AIM2: variants seen among roughly 807,000 people sequenced by gnomAD.
The protein encoded by AIM2 is absent in melanoma 2, also known as interferon-inducible protein AIM2.
AIM2 carries 30 observed loss-of-function variants against 27.7 expected under a neutral mutation model. That is an observed-to-expected ratio of 1.08 (90% CI 0.81 to 1.47). AIM2 has a LOEUF of 1.47. AIM2 is among the 40% of genes most tolerant of loss of function. The probability of loss-of-function intolerance (pLI) is 0.00; values close to 1 mark genes in which losing one functional copy is unlikely to be tolerated. For synonymous variants in AIM2, 141 were observed against 145.3 expected (o/e 0.97, Z 0.21); for missense variants, 358 against 411.3 (o/e 0.87, Z 1.12).
At chr1:159,143,703 T>G (rs1160012126), upstream of AIM2, among the ~76,000 whole-genome samples, 1 of 152,044 alleles carries the variant, frequency 6.6e-6, no homozygotes, top group Non-Finnish European at 1.5e-5. Flanking sequence ...AAAGTATCAC[T>G]GCTTCTTATA....
At chr1:159,117,201 A>G (rs1647380995) in intron 1 of AIM2, among the ~76,000 whole-genome samples, 1 of 152,158 alleles carries the variant, frequency 6.6e-6, no homozygotes, top group Admixed American at 6.5e-5. Context: ...AAAACGGAGG[A>G]GACAGGTGCA....
chr1:159,141,336 A>T (rs2102059528), upstream of AIM2, among the ~76,000 whole-genome samples: 1 of 152,318 alleles, frequency 6.6e-6, no homozygotes, highest in Non-Finnish European at 1.5e-5. Flanking sequence ...ACTATGTGCC[A>T]ATTATCTAAC....
At chr1:159,089,949 CTG>C (rs1179610032) in intron 1 of AIM2, among the ~76,000 whole-genome samples, 1 of 152,194 alleles carries the variant, frequency 6.6e-6, no homozygotes, top group Non-Finnish European at 1.5e-5. Flanking sequence ...ACACCTGAGT[CTG>C]TGTTCCAGGA....
intron 1 of AIM2, among the ~76,000 whole-genome samples, chr1:159,091,495 G>A (rs1373700987): frequency 6.6e-6 from 1 of 152,214 alleles, no homozygotes; most frequent in Non-Finnish European, 1.5e-5. Context: ...AGATTCACAA[G>A]TTACAAGACT....
chr1:159,094,625 G>T (rs1657131196), intron 1 of AIM2, among the ~76,000 whole-genome samples: 1 of 152,146 alleles, frequency 6.6e-6, no homozygotes, highest in Non-Finnish European at 1.5e-5. Flanking sequence ...TTGAAACTAG[G>T]AGGCAAAGGT....
At chr1:159,060,090 T>G (rs1310178779), downstream of AIM2, among the ~76,000 whole-genome samples, 2 of 152,186 alleles carry the variant, frequency 1.3e-5, no homozygotes, top group Non-Finnish European at 2.9e-5. Flanking sequence ...ACATTTTAGG[T>G]TAAATACCTA....
chr1:159,104,781 G>A (rs137911110), intron 1 of AIM2, among the ~76,000 whole-genome samples: 1,575 of 152,252 alleles, frequency 0.01, 32 homozygotes, highest in African/African-American at 0.034. Context: ...ATGCTTTTCT[G>A]GAGCATGGAC....
intron 1 of AIM2, among the ~76,000 whole-genome samples, chr1:159,094,489 G>A (rs1406495405): frequency 6.6e-6 from 1 of 152,146 alleles, no homozygotes; most frequent in East Asian, 1.9e-4. Flanking sequence ...TTGAGGTCAG[G>A]AGTTCGAGAC....
chr1:159,090,721 A>G lies in AIM2; in HGVS notation c.-15-24392T>C, dbSNP rs572593436. ...TGAGCTGTTTGTCTAGTCTCCTGAC[A>G]TGGTAACTGGAGACACAGATCCCTC... is the stretch of plus-strand genomic sequence containing the variant. On this transcript the variant is annotated intron_variant, in intron 1 of 2. Coordinates refer to the AIM2 transcript ENST00000368129. Among the ~76,000 whole-genome samples the G allele has an allele frequency of 7.9e-5, 12 of 152,330 alleles. No homozygotes were observed. The East Asian group carries it at 2.1e-3, about 27-fold the overall frequency.
intron 1 of AIM2, among the ~76,000 whole-genome samples, chr1:159,130,164 C>T (rs192681673): frequency 5.3e-4 from 81 of 152,288 alleles, no homozygotes; most frequent in Middle Eastern, 6.8e-3. Flanking sequence ...GCCTATCTGG[C>T]CAGTCTCATT....
chr1:159,126,992 T>A (rs540685506), intron 1 of AIM2, among the ~76,000 whole-genome samples: 2 of 152,298 alleles, frequency 1.3e-5, no homozygotes, highest in South Asian at 4.1e-4. Flanking sequence ...ACAACTCATA[T>A]AAGAATATGT....
At chr1:159,109,627 C>T (rs1053275425) in intron 1 of AIM2, among the ~76,000 whole-genome samples, 20 of 152,214 alleles carry the variant, frequency 1.3e-4, no homozygotes, top group African/African-American at 4.8e-4. Context: ...ATAGACAACC[C>T]ACAGAGTGGG....
At chr1:159,064,869 A>G (rs1234204390) in intron 4 of AIM2, among the ~76,000 whole-genome samples, 1 of 152,200 alleles carries the variant, frequency 6.6e-6, no homozygotes, top group Non-Finnish European at 1.5e-5. Flanking sequence ...ATTCACAATC[A>G]AGTCTAGATC....
intron 1 of AIM2, among the ~76,000 whole-genome samples, chr1:159,126,110 G>C (rs770815429): frequency 5.9e-5 from 9 of 152,148 alleles, no homozygotes; most frequent in African/African-American, 2.2e-4. Context: ...TGAATCTCTT[G>C]TTTTCTGACA....
intron 1 of AIM2, among the ~76,000 whole-genome samples, chr1:159,089,157 C>T (rs1025408097): frequency 3.9e-5 from 6 of 152,160 alleles, no homozygotes; most frequent in Admixed American, 1.3e-4. Context: ...GCAAGTGAGA[C>T]GAGCTGTGAG....
chr1:159,067,308 TAAC>T (rs1005601602), intron 3 of AIM2, among the ~76,000 whole-genome samples: 3 of 152,234 alleles, frequency 2.0e-5, no homozygotes, highest in African/African-American at 7.2e-5. Context: ...TTTTCTGAAT[TAAC>T]AGAGATAAGA....
chr1:159,076,812 A>C (rs1011533587), upstream of AIM2: 1 of 152,222 alleles, frequency 6.6e-6, no homozygotes, highest in African/African-American at 2.4e-5. Flanking sequence ...CTTCACCCCC[A>C]GGCCCAGTGT....
chr1:159,074,312 A>G (rs945257912), intron 1 of AIM2, among the ~76,000 whole-genome samples: 1 of 152,150 alleles, frequency 6.6e-6, no homozygotes, highest in Non-Finnish European at 1.5e-5. Context: ...TTACGGTTTG[A>G]TCATTTCACA....
downstream of AIM2, among the ~76,000 whole-genome samples, chr1:159,058,667 T>C (rs536221276): frequency 2.0e-5 from 3 of 152,246 alleles, no homozygotes; most frequent in Admixed American, 1.3e-4. Context: ...AAAGATTCCT[T>C]GGTTTGCAAC....
Sources: allele counts gnomAD v4.1 joint callset (sites outside exome capture counted in the v4.1 genomes callset), GRCh38; gene constraint gnomAD v4.1.1; transcripts MANE v1.5; gene names NCBI Gene and HGNC (gene_info 2026-07-23, HGNC 2026-07-21).